MEF2A: variants seen among roughly 807,000 people sequenced by gnomAD.
MEF2A encodes myocyte-specific enhancer factor 2A.
Under a neutral mutation model 55.8 loss-of-function variants are expected in MEF2A, and 28 were observed. The ratio of observed to expected loss-of-function variants is 0.50; its 90% CI spans 0.37 to 0.69. The LOEUF (loss-of-function observed/expected upper bound fraction) is 0.69. MEF2A is among the 30% of genes least tolerant of loss of function. The pLI is 0.00. For missense variants in MEF2A, 528 were observed against 626.2 expected (o/e 0.84, Z 1.67); for synonymous variants, 239 against 227.1 (o/e 1.05, Z -0.47).
intron 8 of MEF2A, among the ~76,000 whole-genome samples, chr15:99,695,693 CTA>C (rs2056358559): frequency 6.6e-6 from 1 of 152,110 alleles, no homozygotes; most frequent in East Asian, 1.9e-4. Context: ...AACCCTGTCT[CTA>C]CTAAAAATAC....
Position 99,690,449 on chromosome 15 carries a change from A to T in MEF2A, c.858+21A>T, listed in dbSNP as rs536967614. 2.6e-6 allele frequency: 4 copies of T among 1,565,018 alleles called. No individual in the cohort carries two copies. In the Admixed American group the frequency reaches 7.6e-5, roughly 30 times the overall value. ...CACTAGTAAGTTGAACCTTTCTTCA[A>T]CTTCATTCTTTAAAACACATATTTT... On this transcript the variant is annotated intron_variant, in intron 8 of 11. Transcript: ENST00000557942.
chr15:99,694,330 C>G (rs2056060183), intron 8 of MEF2A, among the ~76,000 whole-genome samples: 1 of 152,160 alleles, frequency 6.6e-6, no homozygotes, highest in South Asian at 2.1e-4. Context: ...TCAAGAGTGC[C>G]TACTACATTT....
chr15:99,710,044 G>T (rs1464680552), intron 10 of MEF2A, among the ~76,000 whole-genome samples: 1 of 152,090 alleles, frequency 6.6e-6, no homozygotes, highest in Non-Finnish European at 1.5e-5. Flanking sequence ...GTTTCTCTTT[G>T]TTCCAAAGGG....
At chr15:99,589,116 T>A (rs1400653909) in intron 1 of MEF2A, among the ~76,000 whole-genome samples, 1 of 152,244 alleles carries the variant, frequency 6.6e-6, no homozygotes, top group East Asian at 1.9e-4. Flanking sequence ...TTCTGTTTCC[T>A]GAAGAGATTG....
chr15:99,623,125 T>C (rs1409701524), intron 2 of MEF2A, among the ~76,000 whole-genome samples: 1 of 152,224 alleles, frequency 6.6e-6, no homozygotes, highest in Non-Finnish European at 1.5e-5. Context: ...ATTTGACTAC[T>C]TTACGTACTT....
intron 4 of MEF2A, among the ~76,000 whole-genome samples, chr15:99,650,584 C>T (rs1169792987): frequency 6.6e-6 from 1 of 152,094 alleles, no homozygotes; most frequent in Non-Finnish European, 1.5e-5. Flanking sequence ...AATTTGGATT[C>T]TGAAGAAAGA....
At chr15:99,574,992 T>G (rs1398512375) in intron 1 of MEF2A, among the ~76,000 whole-genome samples, 1 of 152,220 alleles carries the variant, frequency 6.6e-6, no homozygotes, top group Non-Finnish European at 1.5e-5. Flanking sequence ...GGCATTGTTA[T>G]ATAATATCAA....
In MEF2A at chr15:99,716,086, G is replaced by T. The variant is rs2059126965; in HGVS notation, c.*3315G>T. On this transcript the variant is annotated 3_prime_UTR_variant, in exon 12 of 12. Transcript: ENST00000557942. ...ATCTTAAGCTAGATGATTAGAATGT[G>T]AAAAAGATTTTACAAATGTAAAACT... The T allele has an allele frequency of 6.4e-6, 1 of 157,316 alleles. No individual in the cohort carries two copies. Among genetic ancestry groups the T allele is most frequent in the Admixed American group, 6.2e-5 (1 of 16,158 alleles). The allele number at this position is 157,316 out of a possible 1,614,324, so 9.7% of individuals were successfully genotyped here.
At chr15:99,575,219 G>A (rs1219296551) in intron 1 of MEF2A, among the ~76,000 whole-genome samples, 1 of 152,096 alleles carries the variant, frequency 6.6e-6, no homozygotes, top group African/African-American at 2.4e-5. Flanking sequence ...ATTGTTTAAT[G>A]TACAGTTCAT....
rs558822499 is a variant in MEF2A at position 99,715,616 on chromosome 15, G to A, written c.*2845G>A. On this transcript the variant is annotated 3_prime_UTR_variant, in exon 12 of 12. Coordinates refer to ENST00000557942, the MANE Select transcript of MEF2A (RefSeq NM_001319206.4). Reference sequence around the variant, plus strand: ...GTGGAAACCAGCCTAGAGAGGGGACGACGCTAATGGTGTTGCTTTAGAACC... The same window carrying A: ...GTGGAAACCAGCCTAGAGAGGGGACAACGCTAATGGTGTTGCTTTAGAACC... 2.0e-5 allele frequency: 3 copies of A among 152,314 alleles called. No individual in the cohort carries two copies. The highest frequency in any genetic ancestry group is 1.9e-4 in the East Asian group (1 of 5,184). 9.4% of individuals were successfully genotyped at this position (152,314 alleles called of 1,614,324 possible). A position where few individuals can be genotyped will look rare whatever the true frequency, so the allele number is the denominator to read the frequency against.
At chr15:99,663,069 G>A (rs942461980) in intron 4 of MEF2A, among the ~76,000 whole-genome samples, 15 of 152,022 alleles carry the variant, frequency 9.9e-5, no homozygotes, top group Admixed American at 9.2e-4. Context: ...ATAAAGTTGA[G>A]CGTATGTTAA....
chr15:99,710,695 G>C lies in MEF2A; in HGVS notation c.1071G>C (p.Leu357=). The C allele has an allele frequency of 9.9e-6, 16 of 1,613,594 alleles. No homozygotes were observed. Among genetic ancestry groups the C allele is most frequent in the Non-Finnish European group, 1.2e-5 (14 of 1,179,528 alleles). ...AAGGCTTCAACTCGCCAGGAATGCT[G>C]TCGCTGGGACAGGTGTCGGCCTGGC... The part of the protein sequence containing the change: ...ALQGFNSPGM[L]SLGQVSAWQQ... The change falls in exon 11 of 12, where the codon CTG becomes CTC. Residue 357 remains leucine, a synonymous_variant. Transcript: ENST00000557942.
chr15:99,607,381 A>G (rs1457634455), intron 2 of MEF2A, among the ~76,000 whole-genome samples: 3 of 152,212 alleles, frequency 2.0e-5, no homozygotes, highest in Non-Finnish European at 2.9e-5. Context: ...TCTCTGATAT[A>G]TACTCAAAAT....
intron 10 of MEF2A, among the ~76,000 whole-genome samples, chr15:99,707,716 C>CA (rs755737242): frequency 3.9e-5 from 6 of 152,170 alleles, no homozygotes; most frequent in Non-Finnish European, 8.8e-5. Flanking sequence ...GCCCATTACT[C>CA]AGAGACTGCA....
chr15:99,701,220 G>T (rs2057355398), intron 8 of MEF2A, among the ~76,000 whole-genome samples: 1 of 152,172 alleles, frequency 6.6e-6, no homozygotes, highest in South Asian at 2.1e-4. Flanking sequence ...CCAGTAATGG[G>T]ACATAAAGAC....
chr15:99,598,228 C>T (rs1971888910), intron 1 of MEF2A, among the ~76,000 whole-genome samples: 1 of 152,044 alleles, frequency 6.6e-6, no homozygotes, highest in African/African-American at 2.4e-5. Context: ...AAAAAGGATT[C>T]GTAATAGTAG....
intron 8 of MEF2A, among the ~76,000 whole-genome samples, 157 bp from the exon 9 acceptor site, chr15:99,703,205 C>G (rs184678781): frequency 3.3e-5 from 5 of 152,274 alleles, no homozygotes; most frequent in Admixed American, 3.3e-4. Flanking sequence ...CAAGTAGAGA[C>G]AAGTAATTTA....
chr15:99,589,990 A>G (rs1388587794), intron 1 of MEF2A, among the ~76,000 whole-genome samples: 1 of 152,092 alleles, frequency 6.6e-6, no homozygotes, highest in Non-Finnish European at 1.5e-5. Flanking sequence ...TGGTTGTAGT[A>G]TTCAGTTAAA....
At chr15:99,630,791 C>T (rs1027516725) in intron 2 of MEF2A, among the ~76,000 whole-genome samples, 1 of 152,188 alleles carries the variant, frequency 6.6e-6, no homozygotes, top group Admixed American at 6.5e-5. Flanking sequence ...GTTGCTAGTT[C>T]ACCTTTATAC....
Sources: allele counts gnomAD v4.1 joint callset (sites outside exome capture counted in the v4.1 genomes callset), GRCh38; gene constraint gnomAD v4.1.1; transcripts MANE v1.5; gene names NCBI Gene and HGNC (gene_info 2026-07-23, HGNC 2026-07-21).